The following POTEI variants were observed in gnomAD, a reference collection of about 807,000 sequenced individuals.
The protein encoded by POTEI is POTE ankyrin domain family, member I.
A neutral mutation model predicts 43.4 loss-of-function variants in POTEI; 14 were observed. That is an observed-to-expected ratio of 0.32 (90% CI 0.21 to 0.50). POTEI has a LOEUF of 0.50. Among genes scored for constraint, POTEI ranks in the 20% least tolerant of loss-of-function variants. The probability of loss-of-function intolerance (pLI) is 0.98; values close to 1 mark genes in which losing one functional copy is unlikely to be tolerated. For synonymous variants in POTEI, 95 were observed against 297.9 expected (o/e 0.32, Z 7.01); for missense variants, 235 against 795.4 (o/e 0.30, Z 8.47).
chr2:130,485,027 A>G (rs1347333661), intron 9 of POTEI, among the ~76,000 whole-genome samples: 1 of 152,304 alleles, frequency 6.6e-6, no homozygotes, highest in Non-Finnish European at 1.5e-5. Flanking sequence ...AGGAAAGACT[A>G]CATGAGGTGT....
intron 13 of POTEI, among the ~76,000 whole-genome samples, chr2:130,472,148 GA>G (rs1223935874): frequency 4.3e-5 from 6 of 139,676 alleles, no homozygotes; most frequent in South Asian, 2.6e-4. Flanking sequence ...ATTTAGTACA[GA>G]AAAAAATTAG....
At chr2:130,464,674 A>G (rs1445353721) in intron 14 of POTEI, among the ~76,000 whole-genome samples, 1 of 151,534 alleles carries the variant, frequency 6.6e-6, no homozygotes, top group Non-Finnish European at 1.5e-5. Flanking sequence ...CATTTCTAAT[A>G]TTTCTATACT....
intron 5 of POTEI, 116 bp from the exon 6 acceptor site, chr2:130,496,738 A>T: frequency 1.1e-6 from 1 of 919,146 alleles, no homozygotes; most frequent in Non-Finnish European, 1.6e-6. Flanking sequence ...AGAACTTAAT[A>T]GTATTATCCC....
In POTEI at chr2:130,493,664, C is replaced by T. The variant is rs1249923801; in HGVS notation, c.1126+2888G>A. Among the ~76,000 whole-genome samples, 8 of 36,488 alleles carry T rather than the reference C, an allele frequency of 2.2e-4. 4 individuals carry two copies. The highest frequency in any genetic ancestry group is 4.4e-4 in the Non-Finnish European group (8 of 18,244). The allele number at this position is 36,488 out of a possible 152,430, so 23.9% of individuals were successfully genotyped here. A position where few individuals can be genotyped will look rare whatever the true frequency, so the allele number is the denominator to read the frequency against. ...TTCTCTCTGTCCCCCAAGCCTTTCTCATTCAATTATTACTAAATCATATTG... is the reference window on the plus strand; with the variant it reads ...TTCTCTCTGTCCCCCAAGCCTTTCTTATTCAATTATTACTAAATCATATTG... On this transcript the variant is annotated intron_variant, in intron 6 of 14. Coordinates refer to ENST00000451531, the MANE Select transcript of POTEI (RefSeq NM_001277406.2).
At chr2:130,464,593 A>G (rs1394435029) in intron 14 of POTEI, among the ~76,000 whole-genome samples, 3 of 150,972 alleles carry the variant, frequency 2.0e-5, no homozygotes, top group African/African-American at 7.4e-5. Context: ...AGCTATGCAT[A>G]TATTTGGACA....
Position 130,461,736 on chromosome 2 carries a change from G to T in POTEI, c.*1080C>A, listed in dbSNP as rs1408718875. On this transcript the variant is annotated 3_prime_UTR_variant, in exon 15 of 15. Transcript: ENST00000451531. Reference sequence around the variant, plus strand: ...CTGCTTACAGAAGCAGTCTGGCCATGATTTGGTAAAGCAGCTATGCTGTGC... The same window carrying T: ...CTGCTTACAGAAGCAGTCTGGCCATTATTTGGTAAAGCAGCTATGCTGTGC... 1.3e-5 allele frequency: 2 copies of T among 151,056 alleles called. No homozygotes were observed. Among genetic ancestry groups the T allele is most frequent in the African/African-American group, 4.9e-5 (2 of 41,098 alleles). 9.4% of individuals were successfully genotyped at this position (151,056 alleles called of 1,614,324 possible).
At chr2:130,464,635 T>C (rs1682780366) in intron 14 of POTEI, among the ~76,000 whole-genome samples, 1 of 151,416 alleles carries the variant, frequency 6.6e-6, no homozygotes, top group Admixed American at 6.6e-5. Context: ...TAAAGTTCTT[T>C]TACTGAAGAA....
At chr2:130,474,844 C>T (rs1462877077) in intron 12 of POTEI, 63 bp downstream of exon 12, 1 of 257,074 alleles carries the variant, frequency 3.9e-6, no homozygotes, top group Non-Finnish European at 6.9e-6. Flanking sequence ...ATTTACTACA[C>T]TTTGTTAAAC....
In POTEI at chr2:130,508,953, T is replaced by C. The variant is rs571916662; in HGVS notation, c.283A>G (p.Arg95Gly). ...CAGCACCACTTGCCCATCTTGCTCC[T>C]GAGCGTCTTCATAGCGGAGTCGTCG... ...DHDDSAMKTL[R>G]SKMGKWCCHC... is the part of the protein sequence containing the mutation. The change falls in exon 1 of 15, where the codon AGG (arginine) becomes GGG (glycine). Residue 95 changes from arginine (R) to glycine (G), a missense_variant. Physicochemically the swap from Arg to Gly is moderately radical, Grantham distance 125 (BLOSUM62 -2). Coordinates refer to ENST00000451531, the MANE Select transcript of POTEI (RefSeq NM_001277406.2). The C allele has an allele frequency of 4.0e-5, 63 of 1,591,888 alleles. 10 individuals are homozygous for C. In the East Asian group the frequency reaches 1.1e-3, roughly 27 times the overall value.
At chr2:130,483,910 A>T (rs1683492044) in intron 9 of POTEI, among the ~76,000 whole-genome samples, 1 of 150,788 alleles carries the variant, frequency 6.6e-6, no homozygotes, top group South Asian at 2.1e-4. Context: ...GTGAGAATCA[A>T]TCAAACAATA....
At position 130,491,831 on chromosome 2, in the gene POTEI, T is replaced by G. The variant is rs565042855; in HGVS notation, c.1127-1091A>C. Among the ~76,000 whole-genome samples, 204 of 65,894 alleles carry G rather than the reference T, an allele frequency of 3.1e-3. 26 individuals are homozygous for G. Among genetic ancestry groups the G allele is most frequent in the African/African-American group, 7.0e-3 (179 of 25,412 alleles). The allele number at this position is 65,894 out of a possible 152,430, so 43.2% of individuals were successfully genotyped here. ...CATCATGCCCTGCTAATTTTCGTGTTTTTAGTAGAGACGGGGTTTCACCAT... is the reference window on the plus strand; with the variant it reads ...CATCATGCCCTGCTAATTTTCGTGTGTTTAGTAGAGACGGGGTTTCACCAT... On this transcript the variant is annotated intron_variant, in intron 6 of 14. Transcript: ENST00000451531.
At position 130,508,892 on chromosome 2, in the gene POTEI, C is replaced by T. The variant is rs1411447137; in HGVS notation, c.344G>A (p.Ser115Asn). Reference protein sequence around the residue: ...CFPCCRGSGKSNVGAWGDYDD... With the variant: ...CFPCCRGSGKNNVGAWGDYDD... Reference sequence around the variant, plus strand: ...GTAGTCTCCCCAAGCACCCACGTTGCTCTTGCCGCTCCCCCTGCAGCAGGG... The same window carrying T: ...GTAGTCTCCCCAAGCACCCACGTTGTTCTTGCCGCTCCCCCTGCAGCAGGG... The change falls in exon 1 of 15, where the codon AGC becomes AAC. Residue 115 changes from serine to asparagine, a missense_variant. By Grantham distance (46) the Ser-to-Asn change is conservative (BLOSUM62 1). Coordinates refer to ENST00000451531, the MANE Select transcript of POTEI (RefSeq NM_001277406.2). 1 of 1,590,606 alleles carries T rather than the reference C, an allele frequency of 6.3e-7. No individual in the cohort carries two copies. The highest frequency in any genetic ancestry group is 1.7e-5 in the Admixed American group (1 of 57,848).
chr2:130,479,255 A>C (rs1447553484), intron 10 of POTEI, among the ~76,000 whole-genome samples: 1 of 150,902 alleles, frequency 6.6e-6, no homozygotes, highest in African/African-American at 2.5e-5. Flanking sequence ...GCCAACTATT[A>C]ATGTTATTTC....
chr2:130,482,614 A>C (rs1332446328), intron 9 of POTEI, among the ~76,000 whole-genome samples: 1 of 150,468 alleles, frequency 6.6e-6, no homozygotes, highest in Non-Finnish European at 1.5e-5. Flanking sequence ...CTAATATGCA[A>C]ATGTTGTAGT....
At position 130,482,480 on chromosome 2, in the gene POTEI, A is replaced by C. The variant is rs2672198; in HGVS notation, c.1410-407T>G. Among the ~76,000 whole-genome samples the C allele has an allele frequency of 2.9e-4, 44 of 150,866 alleles. 1 individual carries two copies. The highest frequency in any genetic ancestry group is 3.4e-3 in the Middle Eastern group (1 of 294). On this transcript the variant is annotated intron_variant, in intron 9 of 14. Transcript: ENST00000451531. ...ACTAGGTTGTTATAATGATTTAACA[A>C]GATAACATTTTTTTAAATGCTCAAA...
rs1027969475 is a variant in POTEI, at chr2:130,484,647, AG to A, written c.1410-2575del. ...GGCAAGAATTCAGTGTGGCTGAAGC[AG>A]AGCAAGGGAGATAATCAGGAGGAAC... On this transcript the variant is annotated intron_variant, in intron 9 of 14. Transcript: ENST00000451531. 1.1e-4 allele frequency among the ~76,000 whole-genome samples: 11 copies of A among 98,430 alleles called. No individual in the cohort carries two copies. The East Asian group carries it at 1.2e-3, about 11-fold the overall frequency. 64.6% of individuals were successfully genotyped at this position (98,430 alleles called of 152,430 possible).
rs773843631 is a variant in POTEI, at chr2:130,508,857, C to T, written c.379G>A (p.Ala127Thr). Residue 127 changes from alanine to threonine, a missense_variant, in exon 1 of 15, where the codon GCC (alanine) becomes ACC (threonine). Ala to Thr is a moderately conservative substitution (Grantham distance 58). Transcript: ENST00000451531. Reference sequence around the variant, plus strand: ...ACGTGGTATCTCGGCTCCACGAAGGCGCTGTCGTCGTAGTCTCCCCAAGCA... The same window carrying T: ...ACGTGGTATCTCGGCTCCACGAAGGTGCTGTCGTCGTAGTCTCCCCAAGCA... ...VGAWGDYDDS[A>T]FVEPRYHVRR... 3.3e-5 allele frequency: 52 copies of T among 1,572,446 alleles called. 3 individuals are homozygous for T. In the Middle Eastern group the frequency reaches 8.1e-4, roughly 24 times the overall value.
chr2:130,460,176 G>T lies in POTEI; in HGVS notation c.*2640C>A, dbSNP rs1573903118. On this transcript the variant is annotated 3_prime_UTR_variant, in exon 15 of 15. Transcript: ENST00000451531. ...TAAGAGTGCCCCGTAAGCAGGTGTG[G>T]CCAGGCTGGGGCCATGGGAGAGGCG... 6.6e-6 allele frequency: 1 copy of T among 150,780 alleles called. No homozygotes were observed. The highest frequency in any genetic ancestry group is 2.5e-5 in the African/African-American group (1 of 40,130). The allele number at this position is 150,780 out of a possible 1,614,324, so 9.3% of individuals were successfully genotyped here.
Position 130,509,314 on chromosome 2 carries a change from C to T in POTEI, c.-79G>A. 3.1e-6 allele frequency: 2 copies of T among 645,480 alleles called. No homozygotes were observed. The highest frequency in any genetic ancestry group is 2.0e-5 in the South Asian group (1 of 50,268). 40.0% of individuals were successfully genotyped at this position (645,480 alleles called of 1,614,324 possible). A position where few individuals can be genotyped will look rare whatever the true frequency, so the allele number is the denominator to read the frequency against. Reference sequence around the variant, plus strand: ...ACCAGTTTCACCAACTAGCAGGTAACTCCGGGTTTCCAATCTGTTTGAAGA... The same window carrying T: ...ACCAGTTTCACCAACTAGCAGGTAATTCCGGGTTTCCAATCTGTTTGAAGA... On this transcript the variant is annotated 5_prime_UTR_variant, in exon 1 of 15. Coordinates refer to ENST00000451531, the MANE Select transcript of POTEI (RefSeq NM_001277406.2).
Sources: allele counts gnomAD v4.1 joint callset (sites outside exome capture counted in the v4.1 genomes callset), GRCh38; gene constraint gnomAD v4.1.1; transcripts MANE v1.5; gene names NCBI Gene and HGNC (gene_info 2026-07-23, HGNC 2026-07-21).